Variants in PLD5 observed in about 807,000 individuals in gnomAD.
PLD5 encodes the protein inactive phospholipase D5.
In PLD5, 36 loss-of-function variants were observed where a neutral mutation model predicts 61.1. The ratio of observed to expected loss-of-function variants is 0.59; its 90% CI spans 0.45 to 0.78. PLD5 has a LOEUF of 0.78. Ranked by LOEUF, PLD5 falls within the 30% of genes least tolerant of loss-of-function variation. The pLI, the probability that PLD5 is intolerant of heterozygous loss-of-function variation, is 0.00. For missense variants in PLD5, 515 were observed against 644.4 expected, an observed-to-expected ratio of 0.80 and a Z score of 2.17; for synonymous variants, 243 against 242.8, an observed-to-expected ratio of 1.00 and a Z score of -0.01.
At chr1:242,173,573 A>G (rs1366729575) in intron 5 of PLD5, among the ~76,000 whole-genome samples, 1 of 152,314 alleles carries the variant, frequency 6.6e-6, no homozygotes, top group Middle Eastern at 3.4e-3. Context: ...ACCAAAAAAG[A>G]GCCTGCATTG....
chr1:242,340,064 G>A (rs969879015), intron 2 of PLD5, among the ~76,000 whole-genome samples: 13 of 152,134 alleles, frequency 8.5e-5, no homozygotes, highest in East Asian at 1.9e-4. Flanking sequence ...TTATATAGGC[G>A]ATAGGCTCAC....
intron 6 of PLD5, among the ~76,000 whole-genome samples, chr1:242,123,405 G>T (rs536916668): frequency 6.6e-6 from 1 of 152,244 alleles, no homozygotes; most frequent in East Asian, 1.9e-4. Context: ...CCAGTTCAGG[G>T]TCACAGGTGG....
intron 5 of PLD5, among the ~76,000 whole-genome samples, chr1:242,205,112 C>T (rs1669242501): frequency 1.3e-5 from 2 of 152,154 alleles, no homozygotes; most frequent in South Asian, 4.1e-4. Context: ...AAGCAAGTCT[C>T]AGACTATCAT....
intron 1 of PLD5, among the ~76,000 whole-genome samples, chr1:242,405,740 T>C (rs1172633558): frequency 6.6e-6 from 1 of 152,058 alleles, no homozygotes; most frequent in African/African-American, 2.4e-5. Flanking sequence ...TAGCTGGGAT[T>C]AGAGGCACCC....
At chr1:242,237,113 C>T (rs1287522803) in intron 4 of PLD5, among the ~76,000 whole-genome samples, 1 of 152,114 alleles carries the variant, frequency 6.6e-6, no homozygotes, top group African/African-American at 2.4e-5. Context: ...GGGGAATTCT[C>T]TTAAATTTCT....
rs1331849961 is a variant in PLD5, at chr1:242,088,508, CA to C, written c.*1345del. ...TTATAAATATTTCCTACCGTGACAA[CA>C]TCCTTGCGAGGTAGGTGAGTTATTA... On this transcript the variant is annotated 3_prime_UTR_variant, in exon 10 of 10. Transcript: ENST00000536534. The C allele has an allele frequency of 6.6e-6, 1 of 152,130 alleles. No homozygotes were observed. The highest frequency in any genetic ancestry group is 2.4e-5 in the African/African-American group (1 of 41,426). 9.4% of individuals were successfully genotyped at this position (152,130 alleles called of 1,614,324 possible).
intron 2 of PLD5, among the ~76,000 whole-genome samples, chr1:242,313,491 T>C (rs1209637331): frequency 1.3e-5 from 2 of 152,246 alleles, no homozygotes; most frequent in African/African-American, 4.8e-5. Context: ...AGTGGCATTA[T>C]GAGAAAGTTA....
chr1:242,410,760 G>C (rs1664503545), intron 1 of PLD5, among the ~76,000 whole-genome samples: 1 of 152,024 alleles, frequency 6.6e-6, no homozygotes, highest in South Asian at 2.1e-4. Context: ...CGCCAAGCAG[G>C]TGACCTCAGG....
At chr1:242,134,327 G>T (rs1356876642) in intron 5 of PLD5, among the ~76,000 whole-genome samples, 1 of 152,078 alleles carries the variant, frequency 6.6e-6, no homozygotes, top group Non-Finnish European at 1.5e-5. Context: ...GCAGGGTCAG[G>T]CCTGGTTAGC....
At chr1:242,442,717 C>G (rs1666333561) in intron 1 of PLD5, among the ~76,000 whole-genome samples, 1 of 152,162 alleles carries the variant, frequency 6.6e-6, no homozygotes, top group Admixed American at 6.5e-5. Context: ...AATCGACACT[C>G]CATACAAAGA....
At chr1:242,366,353 T>C (rs1458311765) in intron 1 of PLD5, among the ~76,000 whole-genome samples, 13 of 152,192 alleles carry the variant, frequency 8.5e-5, no homozygotes, top group African/African-American at 3.1e-4. Context: ...TGCCTTTAAG[T>C]GAGAGATCTA....
intron 8 of PLD5, among the ~76,000 whole-genome samples, chr1:242,102,398 T>C (rs1211723692): frequency 6.6e-6 from 1 of 152,212 alleles, no homozygotes; most frequent in Admixed American, 6.5e-5. Context: ...AATGAGGTTT[T>C]ATTCACTGGT....
At position 242,524,447 on chromosome 1, in the gene PLD5, C is replaced by T; in HGVS notation, c.-171G>A. On this transcript the variant is annotated 5_prime_UTR_variant, in exon 1 of 10. Transcript: ENST00000536534. ...GCGGGGAGCGCGGGGTGCTGAGCGC[C>T]AGCTGGGAGCGCGGCCGGGCGGGAG... 1 of 532,324 alleles carries T rather than the reference C, an allele frequency of 1.9e-6. No homozygotes were observed. Among genetic ancestry groups the T allele is most frequent in the Non-Finnish European group, 2.8e-6 (1 of 362,606 alleles). The allele number at this position is 532,324 out of a possible 1,614,324, so 33.0% of individuals were successfully genotyped here. A position where few individuals can be genotyped will look rare whatever the true frequency, so the allele number is the denominator to read the frequency against.
chr1:242,104,325 G>A (rs749569166), intron 8 of PLD5, among the ~76,000 whole-genome samples: 2 of 149,648 alleles, frequency 1.3e-5, no homozygotes, highest in Non-Finnish European at 3.0e-5. Flanking sequence ...GTAGAAATAG[G>A]GTCTTGCCAT....
chr1:242,119,588 C>A (rs1302721956), intron 6 of PLD5, among the ~76,000 whole-genome samples: 1 of 151,820 alleles, frequency 6.6e-6, no homozygotes, highest in African/African-American at 2.4e-5. Flanking sequence ...TACAAATGGC[C>A]GATAAGCACG....
rs1406278948 is a variant in PLD5 at position 242,084,120 on chromosome 1, C to A, written c.*5734G>T. 6.6e-6 allele frequency: 1 copy of A among 152,112 alleles called. No individual in the cohort carries two copies. 9.4% of individuals were successfully genotyped at this position (152,112 alleles called of 1,614,324 possible). A position where few individuals can be genotyped will look rare whatever the true frequency, so the allele number is the denominator to read the frequency against. ...AAAAATAAATCACAAATAATCTTCA[C>A]CCTTACTATGATTTAATTGGACTCC... On this transcript the variant is annotated 3_prime_UTR_variant, in exon 10 of 10. Coordinates refer to ENST00000536534, the MANE Select transcript of PLD5 (RefSeq NM_001372062.1).
intron 1 of PLD5, among the ~76,000 whole-genome samples, chr1:242,440,864 A>G (rs1254645545): frequency 1.3e-5 from 2 of 152,160 alleles, no homozygotes. Context: ...CACACTTCTA[A>G]AATCAGGTCA....
At chr1:242,178,787 A>G (rs1409565541) in intron 5 of PLD5, among the ~76,000 whole-genome samples, 1 of 152,200 alleles carries the variant, frequency 6.6e-6, no homozygotes. Context: ...GAAGCCACTG[A>G]TCCCTCCATA....
intron 1 of PLD5, among the ~76,000 whole-genome samples, chr1:242,461,851 G>C (rs1359211082): frequency 3.3e-5 from 5 of 152,162 alleles, no homozygotes; most frequent in Non-Finnish European, 5.9e-5. Flanking sequence ...GAGACGCTAA[G>C]CATTTTTCCA....
Sources: gnomAD v4.1 joint callset for allele counts (sites outside exome capture counted in the v4.1 genomes callset) on GRCh38, gnomAD v4.1.1 for gene constraint, MANE v1.5 for transcripts, NCBI Gene and HGNC (gene_info 2026-07-23, HGNC 2026-07-21) for gene names.